Variants in FAM110C observed in about 807,000 individuals in gnomAD.
FAM110C encodes protein FAM110C.
In FAM110C, 19 loss-of-function variants were observed where a neutral mutation model predicts 15.7. That is an observed-to-expected ratio of 1.21 (90% CI 0.85 to 1.78). The LOEUF (loss-of-function observed/expected upper bound fraction) is 1.78. Ranked by LOEUF, FAM110C falls within the 40% of genes most tolerant of loss-of-function variation. FAM110C has a pLI of 0.00. For missense variants in FAM110C, 547 were observed against 495.7 expected (o/e 1.10, Z -0.98); for synonymous variants, 275 against 233.9 (o/e 1.18, Z -1.61).
intron 1 of FAM110C, chr2:43,393 G>A (rs1002041546): frequency 1.7e-5 from 17 of 985,374 alleles, no homozygotes; most frequent in Non-Finnish European, 2.0e-5. Context: ...ATGAGGGGAG[G>A]AAGAAGCCCA....
In FAM110C at chr2:39,928, T is replaced by C. The variant is rs192481395; in HGVS notation, c.*1680A>G. 1.3e-5 allele frequency: 2 copies of C among 152,282 alleles called. No homozygotes were observed. Among genetic ancestry groups the C allele is most frequent in the East Asian group, 3.9e-4 (2 of 5,184 alleles). The allele number at this position is 152,282 out of a possible 1,614,324, so 9.4% of individuals were successfully genotyped here. A position where few individuals can be genotyped will look rare whatever the true frequency, so the allele number is the denominator to read the frequency against. The stretch of plus-strand genomic sequence containing the variant: ...AAGTGCAATACAGTGAACAGCAAAA[T>C]AGCAGCATTTTTAGAGCAACCATTG... On this transcript the variant is annotated 3_prime_UTR_variant, in exon 2 of 2. Coordinates refer to ENST00000327669, the MANE Select transcript of FAM110C (RefSeq NM_001077710.3).
chr2:45,217 G>T (rs755906436), intron 1 of FAM110C: 223 of 985,276 alleles, frequency 2.3e-4, no homozygotes, highest in Non-Finnish European at 2.2e-4. Context: ...ACTCCTAAGG[G>T]CCTGGACCAG....
In FAM110C at chr2:41,355, C is replaced by T. The variant is rs1664119769; in HGVS notation, c.*253G>A. 2.5e-6 allele frequency: 1 copy of T among 407,644 alleles called. No individual in the cohort carries two copies. The highest frequency in any genetic ancestry group is 4.3e-6 in the Non-Finnish European group (1 of 231,110). 25.3% of individuals were successfully genotyped at this position (407,644 alleles called of 1,614,324 possible). ...CAAACAGCTTTACGGTTTCCAGCTG[C>T]CCTCTGGAAGCAACACTAGTTTCAC... On this transcript the variant is annotated 3_prime_UTR_variant, in exon 2 of 2. Coordinates refer to ENST00000327669, the MANE Select transcript of FAM110C (RefSeq NM_001077710.3).
In FAM110C at chr2:45,817, C is replaced by G. The variant is rs777275744; in HGVS notation, c.569G>C (p.Arg190Pro). 1 of 1,545,642 alleles carries G rather than the reference C, an allele frequency of 6.5e-7. No individual in the cohort carries two copies. ...CTGCAGCCCCCGACGCCTCACCACC[C>G]GCGGCTCTGGCCCAGGGGGCGCGGC... ...VPAAPPGPEP[R>P]VVRRRGLQRS... Residue 190 changes from arginine (R) to proline (P), a missense_variant, in exon 1 of 2, where the codon CGG (arginine) becomes CCG (proline). Transcript: ENST00000327669.
At chr2:43,016 T>G (rs1395804303) in intron 1 of FAM110C, 1 of 985,340 alleles carries the variant, frequency 1.0e-6, no homozygotes, top group African/African-American at 1.7e-5. Context: ...TCCCTGCTGG[T>G]CTCCTCCAGT....
In FAM110C at chr2:46,150, G is replaced by C; in HGVS notation, c.236C>G (p.Ala79Gly). ...GCGCGCCACCGGGGCCGGGGCGCGG[G>C]CCGGGGGCCCAGGGTCGTTCCCCGG... ...KCPGNDPGPP[A>G]RAPAPVARRA... Residue 79 changes from alanine (A) to glycine (G), a missense_variant, in exon 1 of 2, where the codon GCC (alanine) becomes GGC (glycine). Ala to Gly is a moderately conservative substitution (Grantham distance 60). Coordinates refer to ENST00000327669, the MANE Select transcript of FAM110C (RefSeq NM_001077710.3). 1 of 1,428,898 alleles carries C rather than the reference G, an allele frequency of 7.0e-7. No individual in the cohort carries two copies. Among genetic ancestry groups the C allele is most frequent in the Non-Finnish European group, 9.1e-7 (1 of 1,098,312 alleles). The allele number at this position is 1,428,898 out of a possible 1,614,324, so 88.5% of individuals were successfully genotyped here.
chr2:46,132 A>G lies in FAM110C; in HGVS notation c.254T>C (p.Val85Ala). Residue 85 changes from valine to alanine, a missense_variant, in exon 1 of 2, where the codon GTG (valine) becomes GCG (alanine). Coordinates refer to ENST00000327669, the MANE Select transcript of FAM110C (RefSeq NM_001077710.3). ...PGPPARAPAP[V>A]ARRAIARKPL... ...CTTCCGCGCAATAGCCCTGCGCGCC[A>G]CCGGGGCCGGGGCGCGGGCCGGGGG... The G allele has an allele frequency of 7.0e-7, 1 of 1,438,642 alleles. No homozygotes were observed. The highest frequency in any genetic ancestry group is 9.1e-7 in the Non-Finnish European group (1 of 1,101,382). The allele number at this position is 1,438,642 out of a possible 1,614,324, so 89.1% of individuals were successfully genotyped here.
At chr2:43,465 C>T (rs1664183283) in intron 1 of FAM110C, 8 of 985,416 alleles carry the variant, frequency 8.1e-6, no homozygotes, top group Non-Finnish European at 9.6e-6. Context: ...TTTCCCTCTT[C>T]CTTCAACTAT....
intron 1 of FAM110C, 169 bp from the exon 2 acceptor site, chr2:41,796 C>T: frequency 1.0e-6 from 1 of 985,380 alleles, no homozygotes; most frequent in Middle Eastern, 5.2e-4. Flanking sequence ...AGGTCAGTAA[C>T]TTTATTAAAT....
intron 1 of FAM110C, chr2:43,474 A>G: frequency 1.0e-6 from 1 of 985,296 alleles, no homozygotes; most frequent in Non-Finnish European, 1.2e-6. Flanking sequence ...TCCTTCAACT[A>G]TTTCTCTTTG....
At chr2:42,003 T>C (rs1031616388) in intron 1 of FAM110C, 38 of 985,294 alleles carry the variant, frequency 3.9e-5, no homozygotes, top group Non-Finnish European at 4.5e-5. Flanking sequence ...TTGAACTAAA[T>C]ATCTGAGGGC....
rs764533226 is a variant in FAM110C at position 45,723 on chromosome 2, G to A, written c.663C>T (p.Tyr221=). 14 of 1,600,950 alleles carry A rather than the reference G, an allele frequency of 8.7e-6. No homozygotes were observed. In the African/African-American group the frequency reaches 1.7e-4, roughly 20 times the overall value. The stretch of plus-strand genomic sequence containing the variant: ...CCACCACCTCGGGGTCCAGGCCGCA[G>A]TACTGGAAGAAGGTGTCAGACTCGG... ...ALAESDTFFQ[Y]CGLDPEVVEA... Residue 221 remains tyrosine (Y), a synonymous_variant, in exon 1 of 2, where the codon TAC becomes TAT. Transcript: ENST00000327669.
intron 1 of FAM110C, chr2:42,082 A>C: frequency 1.0e-6 from 1 of 985,430 alleles, no homozygotes; most frequent in Non-Finnish European, 1.2e-6. Flanking sequence ...ACGACAGGGA[A>C]GAGTGGCCTT....
chr2:44,614 GC>G (rs1664227210), intron 1 of FAM110C: 4 of 985,376 alleles, frequency 4.1e-6, no homozygotes, highest in Non-Finnish European at 4.8e-6. Context: ...TTTCCAAGAC[GC>G]CCATAGGGAA....
Position 46,206 on chromosome 2 carries a change from G to A in FAM110C, c.180C>T (p.Ser60=). The change falls in exon 1 of 2, where the codon TCC becomes TCT. Residue 60 remains serine, a synonymous_variant. Transcript: ENST00000327669. ...TGATCGCCCCCGGGCCGCTGCCCTC[G>A]GAAGCGACGCCCCGGCCAGTCCCCG... ...GRPGTGRGVA[S]EGSGPGAIKC... is the part of the protein sequence containing the mutation. The A allele has an allele frequency of 1.5e-6, 2 of 1,376,608 alleles. No individual in the cohort carries two copies. Among genetic ancestry groups the A allele is most frequent in the Non-Finnish European group, 1.9e-6 (2 of 1,071,608 alleles). The allele number at this position is 1,376,608 out of a possible 1,614,324, so 85.3% of individuals were successfully genotyped here.
chr2:41,753 A>T, intron 1 of FAM110C, 126 bp from the exon 2 acceptor site: 1 of 1,379,366 alleles, frequency 7.2e-7, no homozygotes, highest in Non-Finnish European at 9.4e-7. Context: ...TGCATTTTGA[A>T]ACATCTTCTT....
In FAM110C at chr2:46,282, C is replaced by T; in HGVS notation, c.104G>A (p.Ser35Asn). Residue 35 changes from serine (S) to asparagine (N), a missense_variant, in exon 1 of 2, where the codon AGC becomes AAC. Ser to Asn is a conservative substitution (Grantham distance 46). Transcript: ENST00000327669. ...ATCCGCCGCCAGCCTCTCCACTGCG[C>T]TCCTGCGCGCCGGCCGCGCGGCGTC... ...DPDAARPARR[S>N]AVERLAADRA... is the part of the protein sequence containing the mutation. 5 of 1,362,322 alleles carry T rather than the reference C, an allele frequency of 3.7e-6. No homozygotes were observed. The highest frequency in any genetic ancestry group is 1.8e-5 in the South Asian group (1 of 56,548). The allele number at this position is 1,362,322 out of a possible 1,614,324, so 84.4% of individuals were successfully genotyped here. A position where few individuals can be genotyped will look rare whatever the true frequency, so the allele number is the denominator to read the frequency against.
intron 1 of FAM110C, chr2:43,208 G>A: frequency 2.0e-6 from 2 of 985,408 alleles, no homozygotes; most frequent in South Asian, 4.7e-5. Flanking sequence ...TTGGGTCTAG[G>A]GAAGTACATT....
chr2:46,097 G>A lies in FAM110C; in HGVS notation c.289C>T (p.Pro97Ser). Residue 97 changes from proline to serine, a missense_variant, in exon 1 of 2, where the codon CCG becomes TCG. Coordinates refer to ENST00000327669, the MANE Select transcript of FAM110C (RefSeq NM_001077710.3). Reference sequence around the variant, plus strand: ...TGCCGGTAGATGATCAGCGAGTCCGGTCTCAACGGCTTCCGCGCAATAGCC... The same window carrying A: ...TGCCGGTAGATGATCAGCGAGTCCGATCTCAACGGCTTCCGCGCAATAGCC... ...RRAIARKPLR[P>S]DSLIIYRQKC... The A allele has an allele frequency of 1.3e-6, 2 of 1,512,070 alleles. No individual in the cohort carries two copies. The highest frequency in any genetic ancestry group is 1.4e-5 in the African/African-American group (1 of 69,466). 93.7% of individuals were successfully genotyped at this position (1,512,070 alleles called of 1,614,324 possible).
Sources: allele counts gnomAD v4.1 joint callset, GRCh38; gene constraint gnomAD v4.1.1; transcripts MANE v1.5; gene names NCBI Gene and HGNC (gene_info 2026-07-23, HGNC 2026-07-21).